The following TBCD variants were observed in gnomAD, a reference collection of about 807,000 sequenced individuals.
The protein encoded by TBCD is tubulin-specific chaperone D.
A neutral mutation model predicts 169.3 loss-of-function variants in TBCD; 105 were observed. The ratio of observed to expected loss-of-function variants is 0.62; its 90% CI spans 0.53 to 0.73. TBCD has a LOEUF of 0.73. Among genes scored for constraint, TBCD ranks in the 30% least tolerant of loss-of-function variants. The pLI is 0.00. For missense variants in TBCD, 1,444 were observed against 1,600.1 expected (o/e 0.90, Z 1.66); for synonymous variants, 700 against 643.9 (o/e 1.09, Z -1.32).
At chr17:82,868,660 A>T (rs1421613467) in intron 13 of TBCD, among the ~76,000 whole-genome samples, 1 of 152,356 alleles carries the variant, frequency 6.6e-6, no homozygotes, top group East Asian at 1.9e-4. Flanking sequence ...AGATCCTTAG[A>T]TGCAAAAAGT....
chr17:82,912,320 AC>A (rs1471634253), intron 23 of TBCD, among the ~76,000 whole-genome samples: 2 of 151,804 alleles, frequency 1.3e-5, no homozygotes, highest in Non-Finnish European at 1.5e-5. Flanking sequence ...AGCCTCTGAT[AC>A]CCCCCGGGGG....
At chr17:82,846,269 T>TGCCCCCTCCACGC (rs1567878926) in intron 13 of TBCD, among the ~76,000 whole-genome samples, 2 of 118,676 alleles carry the variant, frequency 1.7e-5, no homozygotes, top group Admixed American at 1.7e-4. Context: ...TCCTCTGTGC[T>TGCCCCCTCCACGC]GTGTCCTCTT....
chr17:82,887,168 T>TGTGTGTGTGCGCGCGCGCGCGCGC, intron 15 of TBCD, among the ~76,000 whole-genome samples: 26 of 126,090 alleles, frequency 2.1e-4, no homozygotes, highest in South Asian at 8.8e-4. Context: ...TGTGTGTGTG[T>TGTGTGTGTGCGCGCGCGCGCGCGC]GCGCGCGCGC....
At chr17:82,926,911 C>G in intron 28 of TBCD, 2 of 536,042 alleles carry the variant, frequency 3.7e-6, no homozygotes, top group Non-Finnish European at 6.6e-6. Context: ...ATGCCAGCAT[C>G]CGTTCCCTCT....
chr17:82,910,038 C>A (rs2060519111), intron 22 of TBCD, among the ~76,000 whole-genome samples: 1 of 152,248 alleles, frequency 6.6e-6, no homozygotes, highest in Admixed American at 6.5e-5. Context: ...ATGTACGGCG[C>A]CGTGTTATCC....
chr17:82,855,710 ATTAC>A (rs1200827900), intron 13 of TBCD, among the ~76,000 whole-genome samples: 13 of 152,204 alleles, frequency 8.5e-5, no homozygotes, highest in Non-Finnish European at 1.5e-4. Context: ...TTGCACAGCT[ATTAC>A]TTCTGTCTAC....
At chr17:82,813,433 G>T (rs1368361126) in intron 12 of TBCD, among the ~76,000 whole-genome samples, 1 of 152,086 alleles carries the variant, frequency 6.6e-6, no homozygotes, top group East Asian at 1.9e-4. Flanking sequence ...TTCTCCCTGT[G>T]CCCCTGGTGT....
At position 82,806,142 on chromosome 17, in the gene TBCD, G is replaced by A. The variant is rs2050943776; in HGVS notation, c.1087+131G>A. 4 of 1,262,154 alleles carry A rather than the reference G, an allele frequency of 3.2e-6. No homozygotes were observed. The highest frequency in any genetic ancestry group is 1.5e-5 in the African/African-American group (1 of 67,190). The allele number at this position is 1,262,154 out of a possible 1,614,324, so 78.2% of individuals were successfully genotyped here. A position where few individuals can be genotyped will look rare whatever the true frequency, so the allele number is the denominator to read the frequency against. On this transcript the variant is annotated intron_variant, in intron 10 of 38. Transcript: ENST00000355528. This position sits in a 1 kb window ranked among gnomAD's most constrained non-coding sequence, Gnocchi z 5.1. ...TGGCCACCCGTCCCCTTCGCTGAGT[G>A]CACGGTCACTGCCCGTCCTCTGGCT...
intron 13 of TBCD, chr17:82,839,827 A>C (rs1453299719): frequency 2.0e-5 from 3 of 152,298 alleles, no homozygotes; most frequent in Admixed American, 6.5e-5. Flanking sequence ...AAGGCAGAGC[A>C]GACACGGAGC....
chr17:82,832,242 T>G lies in TBCD; in HGVS notation c.1318+17308T>G, dbSNP rs1366086061. 3 of 1,614,128 alleles carry G rather than the reference T, an allele frequency of 1.9e-6. No homozygotes were observed. The highest frequency in any genetic ancestry group is 3.3e-5 in the Admixed American group (2 of 60,012). ...CGGGCTGGTTGGTTTGCTTGGGGTC[T>G]AGTGAGTTAGATTTAGGGCACTTGG... is the stretch of plus-strand genomic sequence containing the variant. On this transcript the variant is annotated intron_variant, in intron 13 of 38. Transcript: ENST00000355528. This position sits in a 1 kb window ranked among gnomAD's most constrained non-coding sequence, Gnocchi z 4.9.
chr17:82,762,315 CAAAAAAA>C (rs35386796), intron 2 of TBCD, among the ~76,000 whole-genome samples: 1 of 91,470 alleles, frequency 1.1e-5, no homozygotes, highest in Non-Finnish European at 2.1e-5. Context: ...GACTCCGTCT[CAAAAAAA>C]AAAAAAAAAA....
At chr17:82,794,374 C>T (rs2049959306) in intron 7 of TBCD, among the ~76,000 whole-genome samples, 1 of 152,148 alleles carries the variant, frequency 6.6e-6, no homozygotes, top group Admixed American at 6.5e-5. Flanking sequence ...TTGTGCTGTG[C>T]TGGTTTCTAG....
chr17:82,863,620 A>G (rs947347265), intron 13 of TBCD, among the ~76,000 whole-genome samples: 1 of 152,068 alleles, frequency 6.6e-6, no homozygotes, highest in African/African-American at 2.4e-5. Context: ...CAGCCTTTGG[A>G]CCCAGTGCCC....
chr17:82,927,121 C>T (rs1250747028), intron 28 of TBCD, 65 bp from the exon 29 acceptor site: 1 of 1,599,012 alleles, frequency 6.3e-7, no homozygotes, highest in East Asian at 2.2e-5. Context: ...CACATCAGCC[C>T]TCTGCGATGT....
At position 82,915,892 on chromosome 17, in the gene TBCD, A is replaced by C. The variant is rs2060994413; in HGVS notation, c.2038+4103A>C. 6.6e-6 allele frequency among the ~76,000 whole-genome samples: 1 copy of C among 152,158 alleles called. No homozygotes were observed. The highest frequency in any genetic ancestry group is 2.4e-5 in the African/African-American group (1 of 41,442). Reference sequence around the variant, plus strand: ...TAATGGACTTCCTGCTGTGGGGGTGAGGGCTCCGTGCTCCATCTCTGATGC... The same window carrying C: ...TAATGGACTTCCTGCTGTGGGGGTGCGGGCTCCGTGCTCCATCTCTGATGC... On this transcript the variant is annotated intron_variant, in intron 23 of 38. Coordinates refer to ENST00000355528, the MANE Select transcript of TBCD (RefSeq NM_005993.5). This position sits in a 1 kb window ranked among gnomAD's most constrained non-coding sequence, Gnocchi z 4.3.
At chr17:82,830,139 G>A (rs1358075460) in intron 13 of TBCD, 2 of 1,613,358 alleles carry the variant, frequency 1.2e-6, no homozygotes, top group African/African-American at 1.3e-5. Context: ...TGTGAACCCG[G>A]CGTTAGGACA....
intron 13 of TBCD, among the ~76,000 whole-genome samples, chr17:82,862,658 G>A (rs1390314079): frequency 6.6e-6 from 1 of 152,206 alleles, no homozygotes; most frequent in Non-Finnish European, 1.5e-5. Flanking sequence ...TTATTTCTAA[G>A]CACATGATTT....
chr17:82,861,158 C>T (rs1344610736), intron 13 of TBCD, among the ~76,000 whole-genome samples: 3 of 152,230 alleles, frequency 2.0e-5, no homozygotes, highest in South Asian at 4.1e-4. Flanking sequence ...TGCACGGCCT[C>T]GCACCAGCGG....
chr17:82,868,971 C>G (rs895855356), intron 13 of TBCD, among the ~76,000 whole-genome samples: 5 of 149,172 alleles, frequency 3.4e-5, no homozygotes, highest in African/African-American at 1.2e-4. Flanking sequence ...TGCAGAGCCC[C>G]GAACGAGACC....
Sources: gnomAD v4.1 joint callset for allele counts (sites outside exome capture counted in the v4.1 genomes callset) on GRCh38, gnomAD v4.1.1 for gene constraint, Gnocchi (gnomAD v3.1) non-coding constraint, MANE v1.5 for transcripts, NCBI Gene and HGNC (gene_info 2026-07-23, HGNC 2026-07-21) for gene names.